WDFY3: variants seen among roughly 807,000 people sequenced by gnomAD.
The protein encoded by WDFY3 is WD repeat and FYVE domain-containing protein 3.
WDFY3 carries 66 observed loss-of-function variants against 409.6 expected under a neutral mutation model. That is an observed-to-expected ratio of 0.16 (90% CI 0.13 to 0.20). The LOEUF is 0.20. Ranked by LOEUF, WDFY3 falls within the 10% of genes least tolerant of loss-of-function variation. The pLI is 1.00. For missense variants in WDFY3, 3,031 were observed against 4,298.1 expected (o/e 0.71, Z 8.24); for synonymous variants, 1,521 against 1,537.1 (o/e 0.99, Z 0.25).
At chr4:84,740,493 T>C in intron 38 of WDFY3, 77 bp from the exon 39 acceptor site, 1 of 1,356,154 alleles carries the variant, frequency 7.4e-7, no homozygotes, top group Non-Finnish European at 1.0e-6. Context: ...CATGAACTTT[T>C]ATTAGGTCTA....
chr4:84,734,752 A>G (rs1737151275), intron 43 of WDFY3, among the ~76,000 whole-genome samples: 1 of 152,188 alleles, frequency 6.6e-6, no homozygotes, highest in Non-Finnish European at 1.5e-5. Context: ...TTTTATTTTT[A>G]TTAGGAACAA....
At chr4:84,750,351 T>C (rs574364236) in intron 36 of WDFY3, among the ~76,000 whole-genome samples, 1 of 152,252 alleles carries the variant, frequency 6.6e-6, no homozygotes, top group Non-Finnish European at 1.5e-5. Context: ...GTACCCTAAT[T>C]ACATTAGTGA....
intron 47 of WDFY3, 62 bp downstream of exon 47, chr4:84,721,347 A>G: frequency 1.3e-6 from 2 of 1,585,178 alleles, no homozygotes; most frequent in Non-Finnish European, 1.7e-6. Context: ...CTATCAACTC[A>G]TCTTGTCTTA....
chr4:84,790,002 A>C, intron 21 of WDFY3, 95 bp from the exon 22 acceptor site: 1 of 1,282,560 alleles, frequency 7.8e-7, no homozygotes, highest in Admixed American at 2.3e-5. Flanking sequence ...CTTTATGTTA[A>C]AACAAAATAA....
chr4:84,895,639 A>G (rs1399974142), intron 3 of WDFY3, among the ~76,000 whole-genome samples: 2 of 152,212 alleles, frequency 1.3e-5, no homozygotes, highest in African/African-American at 4.8e-5. Flanking sequence ...AGGGTTATAT[A>G]TGTAGAGAAA....
Position 84,696,121 on chromosome 4 carries a change from T to G in WDFY3, c.8750A>C (p.Tyr2917Ser). The G allele has an allele frequency of 6.2e-7, 1 of 1,614,168 alleles. No individual in the cohort carries two copies. The highest frequency in any genetic ancestry group is 8.5e-7 in the Non-Finnish European group (1 of 1,180,032). The change falls in exon 58 of 68, where the codon TAT (tyrosine) becomes TCT (serine). Residue 2917 changes from tyrosine (Y) to serine (S), a missense_variant. Around this residue, in one of 16 missense-constraint regions of WDFY3, gnomAD observed 129 missense variants for 305.3 expected, o/e 0.42. Coordinates refer to ENST00000295888, the MANE Select transcript of WDFY3 (RefSeq NM_014991.6). ...LHEWIDLIFG[Y>S]KQQGPAAVEA... ...TACTGCAGCAGGGCCTTGCTGTTTA[T>G]AACCGAAGATTAAGTCAATCCACTC...
At chr4:84,709,230 A>T in intron 52 of WDFY3, 63 bp downstream of exon 52, 1 of 1,495,192 alleles carries the variant, frequency 6.7e-7, no homozygotes, top group Non-Finnish European at 9.1e-7. Flanking sequence ...AAGTGCTTTT[A>T]ACTGTATGAC....
intron 13 of WDFY3, 31 bp downstream of exon 13, chr4:84,817,360 TA>T (rs751983917): frequency 1.2e-6 from 2 of 1,610,498 alleles, no homozygotes; most frequent in South Asian, 1.1e-5. Flanking sequence ...ATTTTAGTAG[TA>T]AAAGAAGGGA....
In WDFY3 at chr4:84,821,570, A is replaced by G; in HGVS notation, c.1124-19T>C. 6.3e-7 allele frequency: 1 copy of G among 1,582,544 alleles called. No individual in the cohort carries two copies. The highest frequency in any genetic ancestry group is 8.6e-7 in the Non-Finnish European group (1 of 1,164,054). On this transcript the variant is annotated intron_variant, in intron 10 of 67. Coordinates refer to ENST00000295888, the MANE Select transcript of WDFY3 (RefSeq NM_014991.6). The stretch of plus-strand genomic sequence containing the variant: ...CTGTGACCTAGAACAGAAAAGAAAA[A>G]CATAAAAGTAGGTACTATGTGATAT...
At chr4:84,854,645 C>T (rs1426618057) in intron 4 of WDFY3, among the ~76,000 whole-genome samples, 2 of 152,204 alleles carry the variant, frequency 1.3e-5, no homozygotes, top group Non-Finnish European at 2.9e-5. Context: ...TATGGTGGCT[C>T]ATGCCTTTAA....
At chr4:84,838,922 A>G (rs2150008144) in intron 6 of WDFY3, among the ~76,000 whole-genome samples, 1 of 152,276 alleles carries the variant, frequency 6.6e-6, no homozygotes, top group South Asian at 2.1e-4. Context: ...TCTTACATCT[A>G]CACATTGAGT....
chr4:84,716,837 A>C, intron 49 of WDFY3, 59 bp downstream of exon 49: 1 of 1,343,580 alleles, frequency 7.4e-7, no homozygotes, highest in South Asian at 2.1e-5. Flanking sequence ...AAATAAAATA[A>C]AACAATACAT....
At chr4:84,823,722 G>A (rs1754423410) in intron 10 of WDFY3, among the ~76,000 whole-genome samples, 1 of 152,074 alleles carries the variant, frequency 6.6e-6, no homozygotes, top group Non-Finnish European at 1.5e-5. Context: ...ATAACAATTA[G>A]ACATTATTAC....
At chr4:84,777,429 T>A (rs770325422) in intron 27 of WDFY3, among the ~76,000 whole-genome samples, 2 of 151,832 alleles carry the variant, frequency 1.3e-5, no homozygotes, top group Non-Finnish European at 2.9e-5. Flanking sequence ...GTAAGAAAGA[T>A]GTAAGAACCA....
chr4:84,876,221 T>A (rs1336499895), intron 3 of WDFY3, among the ~76,000 whole-genome samples: 1 of 152,186 alleles, frequency 6.6e-6, no homozygotes, highest in East Asian at 1.9e-4. Context: ...CTCATTATAG[T>A]CTCTGGGAAC....
intron 6 of WDFY3, among the ~76,000 whole-genome samples, chr4:84,838,447 G>A (rs1560890694): frequency 6.6e-6 from 1 of 152,172 alleles, no homozygotes; most frequent in Non-Finnish European, 1.5e-5. Flanking sequence ...CCAGTGAAGT[G>A]TTACAAACAA....
chr4:84,945,226 T>C (rs1162753973), intron 1 of WDFY3, among the ~76,000 whole-genome samples: 1 of 152,248 alleles, frequency 6.6e-6, no homozygotes, highest in African/African-American at 2.4e-5. Context: ...GAAGCAGTTA[T>C]GCAAGGGCAA....
At position 84,671,601 on chromosome 4, in the gene WDFY3, TTG is replaced by T. The variant is rs1725454097; in HGVS notation, c.*1265_*1266del. 6.6e-6 allele frequency: 1 copy of T among 152,164 alleles called. No individual in the cohort carries two copies. Among genetic ancestry groups the T allele is most frequent in the South Asian group, 2.1e-4 (1 of 4,832 alleles). The allele number at this position is 152,164 out of a possible 1,614,324, so 9.4% of individuals were successfully genotyped here. A position where few individuals can be genotyped will look rare whatever the true frequency, so the allele number is the denominator to read the frequency against. ...CCTTCCAGCTTTAATCCCCCTGGAT[TTG>T]TGTGTTCTGTATCCAACTAGTAGAA... On this transcript the variant is annotated 3_prime_UTR_variant, in exon 68 of 68. Coordinates refer to ENST00000295888, the MANE Select transcript of WDFY3 (RefSeq NM_014991.6).
chr4:84,896,026 G>A (rs1217250711), intron 3 of WDFY3, among the ~76,000 whole-genome samples: 1 of 152,124 alleles, frequency 6.6e-6, no homozygotes, highest in Non-Finnish European at 1.5e-5. Flanking sequence ...GGGAGGCCGA[G>A]GGGGACGGAT....
Sources: gnomAD v4.1 joint callset for allele counts (sites outside exome capture counted in the v4.1 genomes callset) on GRCh38, gnomAD v4.1.1 for gene constraint, gnomAD v4.1.1 regional missense constraint, MANE v1.5 for transcripts, NCBI Gene and HGNC (gene_info 2026-07-23, HGNC 2026-07-21) for gene names.